The following CCSER1 variants were observed in gnomAD, a reference collection of about 807,000 sequenced individuals.
CCSER1 encodes the protein coiled-coil serine rich protein 1.
CCSER1 carries 41 observed loss-of-function variants against 82.0 expected under a neutral mutation model. The observed-to-expected ratio is 0.50, with a 90% CI of 0.39 to 0.65. The LOEUF (loss-of-function observed/expected upper bound fraction) is 0.65. Ranked by LOEUF, CCSER1 falls within the 30% of genes least tolerant of loss-of-function variation. CCSER1 has a pLI of 0.00. For missense variants in CCSER1, 1,119 were observed against 1,064.2 expected (o/e 1.05, Z -0.72); for synonymous variants, 414 against 383.9 (o/e 1.08, Z -0.92).
At chr4:91,404,322 T>G (rs1163365001) in intron 10 of CCSER1, among the ~76,000 whole-genome samples, 2 of 152,172 alleles carry the variant, frequency 1.3e-5, no homozygotes, top group East Asian at 3.8e-4. Context: ...TCTATCAATT[T>G]TGTTGATGTT....
intron 10 of CCSER1, among the ~76,000 whole-genome samples, chr4:91,359,288 C>T (rs548548487): frequency 2.0e-5 from 3 of 151,892 alleles, no homozygotes; most frequent in South Asian, 2.1e-4. Context: ...TTTTTAACTA[C>T]TGGGTTTAGG....
At chr4:91,142,170 G>T (rs566663291) in intron 10 of CCSER1, among the ~76,000 whole-genome samples, 7 of 152,188 alleles carry the variant, frequency 4.6e-5, no homozygotes, top group African/African-American at 1.7e-4. Context: ...AATCATGGGG[G>T]CAATTTCCCC....
At chr4:90,254,915 T>C (rs1192486965) in intron 1 of CCSER1, among the ~76,000 whole-genome samples, 1 of 152,054 alleles carries the variant, frequency 6.6e-6, no homozygotes, top group African/African-American at 2.4e-5. Context: ...TTTACTTTCA[T>C]TTACTAAAAT....
rs777732218 is a variant in CCSER1, at chr4:90,628,053, G to T, written c.1753G>T (p.Val585Phe). ...QNLSLKLTKD[V>F]DQEARCSHIS... is the part of the protein sequence containing the mutation. ...TCTTTCCCTGAAATTAACAAAGGAC[G>T]TTGATCAAGAAGCCAGGTGTTCCCA... The change falls in exon 6 of 11, where the codon GTT becomes TTT. Residue 585 changes from valine to phenylalanine, a missense_variant. Val to Phe is a conservative substitution (Grantham distance 50, BLOSUM62 -1). Coordinates refer to ENST00000509176, the MANE Select transcript of CCSER1 (RefSeq NM_001145065.2). 3 of 1,612,966 alleles carry T rather than the reference G, an allele frequency of 1.9e-6. No homozygotes were observed. The South Asian group carries it at 3.3e-5, about 18-fold the overall frequency.
chr4:90,938,062 A>G (rs978122663), intron 9 of CCSER1, among the ~76,000 whole-genome samples: 2 of 152,068 alleles, frequency 1.3e-5, no homozygotes, highest in Non-Finnish European at 2.9e-5. Flanking sequence ...ACTTCTTTTC[A>G]TATATATTAC....
chr4:90,341,023 T>C (rs780440897), intron 3 of CCSER1, among the ~76,000 whole-genome samples: 9 of 152,118 alleles, frequency 5.9e-5, no homozygotes, highest in Non-Finnish European at 1.2e-4. Context: ...ATAACAGTAA[T>C]GAGTTTTCGC....
intron 4 of CCSER1, among the ~76,000 whole-genome samples, chr4:90,436,072 T>C (rs1758956005): frequency 6.6e-6 from 1 of 152,114 alleles, no homozygotes; most frequent in Non-Finnish European, 1.5e-5. Flanking sequence ...TAGAAAATTA[T>C]GTTTCACTTA....
chr4:90,285,437 A>C (rs1729688941), intron 1 of CCSER1, among the ~76,000 whole-genome samples: 1 of 151,924 alleles, frequency 6.6e-6, no homozygotes, highest in East Asian at 1.9e-4. Context: ...TTTCTTTTTC[A>C]AATTGTTCAC....
intron 5 of CCSER1, among the ~76,000 whole-genome samples, chr4:90,579,631 A>G (rs1781196878): frequency 6.6e-6 from 1 of 152,192 alleles, no homozygotes; most frequent in Admixed American, 6.5e-5. Flanking sequence ...AAGCAATATA[A>G]TCACTAGATG....
intron 10 of CCSER1, among the ~76,000 whole-genome samples, chr4:91,090,336 T>C (rs1326334275): frequency 6.6e-6 from 1 of 152,168 alleles, no homozygotes; most frequent in Non-Finnish European, 1.5e-5. Context: ...CAGTATAACC[T>C]GCTGGGGGCA....
intron 5 of CCSER1, among the ~76,000 whole-genome samples, chr4:90,567,594 AT>A (rs201264158): frequency 3.5e-3 from 494 of 139,772 alleles, no homozygotes; most frequent in African/African-American, 0.013. Context: ...CCAGCCAGAA[AT>A]TTTTTTTTTA....
chr4:91,150,067 G>T (rs980918246), intron 10 of CCSER1, among the ~76,000 whole-genome samples: 1 of 152,062 alleles, frequency 6.6e-6, no homozygotes, highest in African/African-American at 2.4e-5. Context: ...AATTACCTTG[G>T]GCAGTATGAC....
chr4:91,128,841 T>C (rs72669223), intron 10 of CCSER1, among the ~76,000 whole-genome samples: 3,990 of 152,126 alleles, frequency 0.026, 64 homozygotes, highest in Non-Finnish European at 0.039. Flanking sequence ...ACGCCAAATA[T>C]TGTGAATTTT....
chr4:90,361,497 T>A (rs562401218), intron 3 of CCSER1, among the ~76,000 whole-genome samples: 1 of 152,370 alleles, frequency 6.6e-6, no homozygotes, highest in East Asian at 1.9e-4. Context: ...ACACTCTTTT[T>A]AAAAAATTTT....
chr4:90,544,908 A>G (rs904147022), intron 5 of CCSER1, among the ~76,000 whole-genome samples: 4 of 152,130 alleles, frequency 2.6e-5, no homozygotes, highest in Non-Finnish European at 2.9e-5. Context: ...GAGGGGAACA[A>G]GATGTGTTTA....
intron 10 of CCSER1, among the ~76,000 whole-genome samples, chr4:91,441,952 C>G (rs1385549288): frequency 6.6e-6 from 1 of 152,164 alleles, no homozygotes; most frequent in East Asian, 1.9e-4. Flanking sequence ...CTACAAACCA[C>G]TGCTCAAGGA....
chr4:90,231,544 C>G, intron 1 of CCSER1, among the ~76,000 whole-genome samples: 4 of 144,164 alleles, frequency 2.8e-5, no homozygotes, highest in Non-Finnish European at 3.0e-5. Flanking sequence ...TGGAAGCATT[C>G]CCTTTGAAAA....
In CCSER1 at chr4:91,266,417, A is replaced by G. The variant is rs971948985; in HGVS notation, c.2217+180423A>G. Among the ~76,000 whole-genome samples, 25 of 151,974 alleles carry G rather than the reference A, an allele frequency of 1.6e-4. 1 individual carries two copies. The highest frequency in any genetic ancestry group is 6.8e-3 in the Middle Eastern group (2 of 292). On this transcript the variant is annotated intron_variant, in intron 10 of 10. Coordinates refer to ENST00000509176, the MANE Select transcript of CCSER1 (RefSeq NM_001145065.2). ...CAGGTGCCCGCCACCATGCCCTGCT[A>G]ATTTTTTGTATTTTTAGTAGAGACG...
At chr4:91,249,377 T>C (rs2149143357) in intron 10 of CCSER1, among the ~76,000 whole-genome samples, 1 of 152,186 alleles carries the variant, frequency 6.6e-6, no homozygotes, top group African/African-American at 2.4e-5. Flanking sequence ...AGAAAATACG[T>C]TTTCAGTTTA....
Sources: gnomAD v4.1 joint callset for allele counts (sites outside exome capture counted in the v4.1 genomes callset) on GRCh38, gnomAD v4.1.1 for gene constraint, MANE v1.5 for transcripts, NCBI Gene and HGNC (gene_info 2026-07-23, HGNC 2026-07-21) for gene names.